The following ANKRD44 variants were observed in gnomAD, a reference collection of about 807,000 sequenced individuals.
The protein encoded by ANKRD44 is serine/threonine-protein phosphatase 6 regulatory ankyrin repeat subunit B.
A neutral mutation model predicts 116.0 loss-of-function variants in ANKRD44; 35 were observed. The ratio of observed to expected loss-of-function variants is 0.30; its 90% CI spans 0.23 to 0.40. The LOEUF (loss-of-function observed/expected upper bound fraction) is 0.40. ANKRD44 is among the 10% of genes least tolerant of loss of function. The pLI is 1.00. For synonymous variants in ANKRD44, 435 were observed against 461.8 expected, an observed-to-expected ratio of 0.94 and a Z score of 0.74; for missense variants, 1,014 against 1,242.6, an observed-to-expected ratio of 0.82 and a Z score of 2.77.
intron 2 of ANKRD44, among the ~76,000 whole-genome samples, chr2:197,148,942 G>A (rs1052488008): frequency 6.6e-6 from 1 of 152,270 alleles, no homozygotes; most frequent in Non-Finnish European, 1.5e-5. Flanking sequence ...TAAAGATTCA[G>A]TATTTGAAAT....
intron 17 of ANKRD44, among the ~76,000 whole-genome samples, chr2:197,023,384 C>T (rs966841617): frequency 1.3e-5 from 2 of 152,154 alleles, no homozygotes; most frequent in Admixed American, 6.5e-5. Context: ...AAACCATGCA[C>T]AGGTGAGTTG....
chr2:197,008,888 C>A, intron 19 of ANKRD44, 56 bp downstream of exon 19: 1 of 1,502,010 alleles, frequency 6.7e-7, no homozygotes. Context: ...AAGAAACCAA[C>A]CAGGTAGCTG....
intron 17 of ANKRD44, among the ~76,000 whole-genome samples, chr2:197,022,702 G>A (rs981011070): frequency 6.6e-6 from 1 of 152,132 alleles, no homozygotes; most frequent in East Asian, 1.9e-4. Context: ...TCTATGCTAC[G>A]TAAAATAGCA....
At chr2:197,126,096 G>T in intron 4 of ANKRD44, 59 bp from the exon 5 acceptor site, 1 of 1,563,206 alleles carries the variant, frequency 6.4e-7, no homozygotes, top group Non-Finnish European at 8.8e-7. Flanking sequence ...ATACTTACTG[G>T]TGTAAGATGC....
chr2:197,240,530 A>G (rs2125795537), intron 1 of ANKRD44, among the ~76,000 whole-genome samples: 2 of 151,948 alleles, frequency 1.3e-5, no homozygotes, highest in South Asian at 4.2e-4. Flanking sequence ...TTCTAAAAAC[A>G]GCAATCTAGT....
intron 2 of ANKRD44, among the ~76,000 whole-genome samples, chr2:197,176,146 C>G (rs984525785): frequency 2.0e-5 from 3 of 152,156 alleles, no homozygotes; most frequent in African/African-American, 7.2e-5. Flanking sequence ...CAAAAGGAAA[C>G]AAAGATTGGA....
At chr2:197,170,190 C>CAAAAAAAAAAAAAAAAAAA (rs71012960) in intron 2 of ANKRD44, among the ~76,000 whole-genome samples, 29 of 119,742 alleles carry the variant, frequency 2.4e-4, no homozygotes, top group South Asian at 5.7e-4. Flanking sequence ...ACCCTGTTTC[C>CAAAAAAAAAAAAAAAAAAA]AAAAAAAAAA....
intron 1 of ANKRD44, among the ~76,000 whole-genome samples, chr2:197,308,167 AC>A (rs2084129558): frequency 6.1e-4 from 91 of 149,650 alleles, no homozygotes; most frequent in Middle Eastern, 3.4e-3. Context: ...ACACACACAC[AC>A]ACACAAAAAA....
chr2:196,990,600 A>G, intron 27 of ANKRD44: 1 of 1,231,334 alleles, frequency 8.1e-7, no homozygotes, highest in Non-Finnish European at 1.0e-6. Flanking sequence ...TAATACTTGA[A>G]TACAACATAA....
intron 1 of ANKRD44, among the ~76,000 whole-genome samples, chr2:197,261,437 A>G (rs540891622): frequency 1.3e-4 from 19 of 151,096 alleles, no homozygotes; most frequent in Admixed American, 4.6e-4. Context: ...ATTGGTCTAT[A>G]TATCTGTTTT....
At chr2:197,310,214 G>A (rs2084205628) in intron 1 of ANKRD44, among the ~76,000 whole-genome samples, 1 of 151,730 alleles carries the variant, frequency 6.6e-6, no homozygotes, top group African/African-American at 2.4e-5. Flanking sequence ...CCTCCCCGGG[G>A]CCCGGGCCGG....
chr2:197,065,148 C>A (rs1160964906), intron 16 of ANKRD44, among the ~76,000 whole-genome samples: 2 of 152,194 alleles, frequency 1.3e-5, no homozygotes, highest in Non-Finnish European at 2.9e-5. Context: ...GATTAAGAAA[C>A]CCACTCAAAA....
At chr2:197,168,862 C>T (rs985041354) in intron 2 of ANKRD44, among the ~76,000 whole-genome samples, 2 of 152,178 alleles carry the variant, frequency 1.3e-5, no homozygotes, top group Non-Finnish European at 2.9e-5. Flanking sequence ...ATGGCCACTG[C>T]AAACACCCTA....
chr2:197,233,712 C>T (rs1253849883), intron 1 of ANKRD44, among the ~76,000 whole-genome samples: 1 of 152,150 alleles, frequency 6.6e-6, no homozygotes, highest in Non-Finnish European at 1.5e-5. Flanking sequence ...ACCTCAGTCA[C>T]CTTTTGCCAA....
At chr2:197,118,637 G>GAGAGAGAGAGAGAA (rs773839262) in intron 8 of ANKRD44, among the ~76,000 whole-genome samples, 1 of 112,356 alleles carries the variant, frequency 8.9e-6, no homozygotes, top group African/African-American at 3.3e-5. Context: ...GAGAGAGAGA[G>GAGAGAGAGAGAGAA]AGAAAGAAAG....
At chr2:197,090,440 A>G (rs557129447) in intron 10 of ANKRD44, among the ~76,000 whole-genome samples, 2 of 152,156 alleles carry the variant, frequency 1.3e-5, no homozygotes, top group Admixed American at 1.3e-4. Flanking sequence ...AATACTGAGC[A>G]AGACAAACTC....
intron 2 of ANKRD44, among the ~76,000 whole-genome samples, chr2:197,182,721 T>C (rs1339324699): frequency 1.3e-5 from 2 of 152,192 alleles, no homozygotes; most frequent in Non-Finnish European, 2.9e-5. Flanking sequence ...ATATGAAAAG[T>C]CAGCCCTCCC....
At chr2:196,968,187 T>C (rs1574200329) in intron 21 of ANKRD44, among the ~76,000 whole-genome samples, 1 of 152,170 alleles carries the variant, frequency 6.6e-6, no homozygotes, top group Non-Finnish European at 1.5e-5. Context: ...ACTTAAAAGA[T>C]TTATTCCAAG....
chr2:197,278,622 C>T (rs766621522), intron 1 of ANKRD44, among the ~76,000 whole-genome samples: 14 of 152,212 alleles, frequency 9.2e-5, no homozygotes, highest in Non-Finnish European at 1.3e-4. Context: ...AGGCATGGGC[C>T]ACTGCGCCCA....
Sources: gnomAD v4.1 joint callset for allele counts (sites outside exome capture counted in the v4.1 genomes callset) on GRCh38, gnomAD v4.1.1 for gene constraint, MANE v1.5 for transcripts, NCBI Gene and HGNC (gene_info 2026-07-23, HGNC 2026-07-21) for gene names.